Variants in GSE1 observed in about 807,000 individuals in gnomAD.
GSE1 encodes the protein genetic suppressor element 1.
Under a neutral mutation model 112.6 loss-of-function variants are expected in GSE1, and 32 were observed. The ratio of observed to expected loss-of-function variants is 0.28; its 90% confidence interval spans 0.21 to 0.38. GSE1 has a LOEUF of 0.38. Ranked by LOEUF, GSE1 falls within the 10% of genes least tolerant of loss-of-function variation. GSE1 has a pLI of 1.00. For missense variants in GSE1, 2,348 were observed against 1,699.2 expected (o/e 1.38, Z -6.71); for synonymous variants, 1,115 against 735.6 (o/e 1.52, Z -8.35).
chr16:85,529,124 T>A (rs1171455993), intron 2 of GSE1, among the ~76,000 whole-genome samples: 1 of 151,056 alleles, frequency 6.6e-6, no homozygotes, highest in Non-Finnish European at 1.5e-5. Context: ...TCCAGGGGGG[T>A]CGGACCGGGT....
chr16:85,437,676 C>A (rs935925093), intron 2 of GSE1, among the ~76,000 whole-genome samples: 12 of 152,182 alleles, frequency 7.9e-5, no homozygotes, highest in Non-Finnish European at 1.5e-4. Flanking sequence ...TCCTGCCCCA[C>A]CTGGACCTGT....
At chr16:85,232,257 A>T (rs1343824036) in intron 1 of GSE1, among the ~76,000 whole-genome samples, 1 of 152,226 alleles carries the variant, frequency 6.6e-6, no homozygotes, top group Non-Finnish European at 1.5e-5. Context: ...AGCTGTGGCC[A>T]CAGTGTGCTC....
intron 2 of GSE1, among the ~76,000 whole-genome samples, chr16:85,389,961 A>C (rs917916774): frequency 2.0e-5 from 3 of 152,170 alleles, no homozygotes; most frequent in African/African-American, 4.8e-5. Flanking sequence ...GTTTTACCCC[A>C]GGGGAAAGTG....
intron 2 of GSE1, among the ~76,000 whole-genome samples, chr16:85,468,402 C>T (rs545794623): frequency 1.3e-5 from 2 of 151,536 alleles, no homozygotes; most frequent in East Asian, 1.9e-4. Context: ...CTGCAACCTC[C>T]ACCTCCTGGG....
intron 1 of GSE1, among the ~76,000 whole-genome samples, chr16:85,308,938 A>G (rs1404794260): frequency 2.0e-5 from 3 of 149,658 alleles, no homozygotes. Context: ...GCTTTTCAGA[A>G]GCGCAGATGC....
chr16:85,312,814 G>T (rs945559839), intron 1 of GSE1, among the ~76,000 whole-genome samples: 1 of 151,928 alleles, frequency 6.6e-6, no homozygotes, highest in South Asian at 2.1e-4. Context: ...AGGAGGTCTC[G>T]TCCACCCAGG....
intron 1 of GSE1, among the ~76,000 whole-genome samples, chr16:85,627,854 G>T (rs898104569): frequency 2.6e-5 from 4 of 152,206 alleles, no homozygotes; most frequent in Non-Finnish European, 5.9e-5. Flanking sequence ...GCTCTCCCAG[G>T]GCCTCCCTCT....
At chr16:85,389,281 G>A (rs1256564853) in intron 2 of GSE1, among the ~76,000 whole-genome samples, 1 of 152,094 alleles carries the variant, frequency 6.6e-6, no homozygotes, top group East Asian at 1.9e-4. Flanking sequence ...CCAACATGGT[G>A]AAACCCCGTC....
intron 1 of GSE1, among the ~76,000 whole-genome samples, chr16:85,334,577 G>A (rs1037206145): frequency 6.6e-6 from 1 of 152,216 alleles, no homozygotes; most frequent in African/African-American, 2.4e-5. Flanking sequence ...AGGTGCAGGG[G>A]CAGTGCATTG....
At chr16:85,466,675 TA>T (rs66897778) in intron 2 of GSE1, among the ~76,000 whole-genome samples, 58 of 140,316 alleles carry the variant, frequency 4.1e-4, no homozygotes, top group Admixed American at 4.3e-4. Flanking sequence ...GTTTGCAAAT[TA>T]AAAAAAAAAA....
At chr16:85,457,986 A>G (rs2049877266) in intron 2 of GSE1, among the ~76,000 whole-genome samples, 1 of 152,156 alleles carries the variant, frequency 6.6e-6, no homozygotes, top group Non-Finnish European at 1.5e-5. Flanking sequence ...TATTGACCCC[A>G]TTTTACATGT....
intron 2 of GSE1, among the ~76,000 whole-genome samples, chr16:85,369,503 C>A (rs750098831): frequency 1.3e-5 from 2 of 152,148 alleles, no homozygotes; most frequent in African/African-American, 2.4e-5. Flanking sequence ...GCTGGGATTA[C>A]AGGCATGAGC....
chr16:85,655,691 C>G (rs1489463357), intron 5 of GSE1, 35 bp from the exon 6 acceptor site: 1 of 1,470,412 alleles, frequency 6.8e-7, no homozygotes, highest in African/African-American at 1.4e-5. Flanking sequence ...CCCCTTGGTT[C>G]ATTTGCTGCT....
intron 1 of GSE1, among the ~76,000 whole-genome samples, chr16:85,301,816 C>G (rs549306669): frequency 4.6e-5 from 7 of 152,366 alleles, no homozygotes; most frequent in Non-Finnish European, 8.8e-5. Context: ...GCAGTCAGAT[C>G]CTGCTGTTTG....
intron 1 of GSE1, among the ~76,000 whole-genome samples, chr16:85,599,263 G>T (rs1183844439): frequency 6.6e-6 from 1 of 152,220 alleles, no homozygotes; most frequent in Non-Finnish European, 1.5e-5. Context: ...CGGGGGAGAA[G>T]AAATAAATTA....
At chr16:85,293,427 T>G (rs2045279136) in intron 1 of GSE1, among the ~76,000 whole-genome samples, 1 of 152,032 alleles carries the variant, frequency 6.6e-6, no homozygotes, top group African/African-American at 2.4e-5. Flanking sequence ...GTGCCCGTAA[T>G]CCCAGCAACT....
chr16:85,636,495 C>T (rs1359446836), intron 2 of GSE1, among the ~76,000 whole-genome samples: 1 of 152,202 alleles, frequency 6.6e-6, no homozygotes, highest in African/African-American at 2.4e-5. Flanking sequence ...CTCAGCCACT[C>T]AGTGCACCTG....
intron 2 of GSE1, among the ~76,000 whole-genome samples, chr16:85,505,738 G>T (rs376821987): frequency 1.9e-4 from 29 of 152,240 alleles, no homozygotes; most frequent in African/African-American, 6.7e-4. Context: ...CAAAAGGTAG[G>T]CCGGGTGCGG....
At chr16:85,300,550 C>T (rs191100472) in intron 1 of GSE1, among the ~76,000 whole-genome samples, 10 of 152,322 alleles carry the variant, frequency 6.6e-5, no homozygotes, top group African/African-American at 1.9e-4. Flanking sequence ...CACACTGCGG[C>T]CTTTGGTGTC....
Sources: gnomAD v4.1 joint callset for allele counts (sites outside exome capture counted in the v4.1 genomes callset) on GRCh38, gnomAD v4.1.1 for gene constraint, MANE v1.5 for transcripts, NCBI Gene and HGNC (gene_info 2026-07-23, HGNC 2026-07-21) for gene names.